LHFPL3: variants seen among roughly 807,000 people sequenced by gnomAD.
LHFPL3 encodes LHFPL tetraspan subfamily member 3 protein.
A neutral mutation model predicts 19.3 loss-of-function variants in LHFPL3; 5 were observed. That is an observed-to-expected ratio of 0.26 (90% CI 0.14 to 0.54). The LOEUF is 0.54. Among genes scored for constraint, LHFPL3 ranks in the 20% least tolerant of loss-of-function variants. The pLI, the probability that LHFPL3 is intolerant of heterozygous loss-of-function variation, is 0.94. For missense variants in LHFPL3, 249 were observed against 307.4 expected (o/e 0.81, Z 1.42); for synonymous variants, 133 against 126.2 (o/e 1.05, Z -0.36).
At chr7:104,905,437 G>T (rs1275405672) in intron 2 of LHFPL3, among the ~76,000 whole-genome samples, 1 of 152,094 alleles carries the variant, frequency 6.6e-6, no homozygotes. Flanking sequence ...AATTCATGCT[G>T]ATGGTGGGGC....
intron 1 of LHFPL3, among the ~76,000 whole-genome samples, chr7:104,546,078 AC>A (rs1794574367): frequency 6.6e-6 from 1 of 152,190 alleles, no homozygotes; most frequent in Non-Finnish European, 1.5e-5. Flanking sequence ...GTATCAGCAA[AC>A]TAAATTTTTG....
chr7:104,839,572 G>A (rs146021913), intron 2 of LHFPL3, among the ~76,000 whole-genome samples: 2,367 of 152,156 alleles, frequency 0.016, 75 homozygotes, highest in African/African-American at 0.051. Context: ...GGGAGGCTGA[G>A]GCACAAGAGT....
chr7:104,820,872 A>G (rs980863241), intron 2 of LHFPL3, among the ~76,000 whole-genome samples: 3 of 152,148 alleles, frequency 2.0e-5, no homozygotes, highest in African/African-American at 7.2e-5. Flanking sequence ...AACACAGTTA[A>G]CGCCTCATCC....
At chr7:104,905,301 CATATTT>C (rs1318221155) in intron 2 of LHFPL3, among the ~76,000 whole-genome samples, 1 of 151,958 alleles carries the variant, frequency 6.6e-6, no homozygotes, top group African/African-American at 2.4e-5. Flanking sequence ...AAAAGATATT[CATATTT>C]ATAATAATAA....
chr7:104,528,417 C>G (rs1017645889), intron 1 of LHFPL3, among the ~76,000 whole-genome samples: 1 of 152,138 alleles, frequency 6.6e-6, no homozygotes, highest in Admixed American at 6.5e-5. Flanking sequence ...ATAAGAGGAG[C>G]TTTCCTTCTC....
intron 1 of LHFPL3, among the ~76,000 whole-genome samples, chr7:104,521,253 T>C (rs1401237068): frequency 3.3e-5 from 5 of 151,644 alleles, no homozygotes; most frequent in East Asian, 1.9e-4. Context: ...TGTAGTTGAG[T>C]GGTTTTGAGT....
rs750297536 is a variant in LHFPL3, at chr7:104,867,694, C to T, written c.683-38493C>T. 5.7e-3 allele frequency among the ~76,000 whole-genome samples: 863 copies of T among 151,538 alleles called. 12 individuals are homozygous for T. Among genetic ancestry groups the T allele is most frequent in the African/African-American group, 0.019 (773 of 41,282 alleles). On this transcript the variant is annotated intron_variant, in intron 2 of 2. Transcript: ENST00000424859. ...TTCCTTCTGAAACTATTCCAATCAACAGAAAAAGAGGGAATCCTCCCTAAC... is the reference window on the plus strand; with the variant it reads ...TTCCTTCTGAAACTATTCCAATCAATAGAAAAAGAGGGAATCCTCCCTAAC...
intron 1 of LHFPL3, among the ~76,000 whole-genome samples, chr7:104,438,692 T>TA (rs939532293): frequency 1.2e-4 from 18 of 149,352 alleles, no homozygotes; most frequent in African/African-American, 3.4e-4. Flanking sequence ...GTCAAGAAGG[T>TA]AAAAAAAAAG....
chr7:104,362,324 T>C (rs1584267351), intron 1 of LHFPL3, among the ~76,000 whole-genome samples: 1 of 152,144 alleles, frequency 6.6e-6, no homozygotes, highest in Non-Finnish European at 1.5e-5. Flanking sequence ...AGACCGTCCT[T>C]CTGAAGGAGG....
intron 1 of LHFPL3, among the ~76,000 whole-genome samples, chr7:104,687,387 C>T (rs1792826631): frequency 6.6e-6 from 1 of 152,172 alleles, no homozygotes; most frequent in African/African-American, 2.4e-5. Flanking sequence ...ATAGAGGCCT[C>T]ATTACATAGG....
intron 2 of LHFPL3, among the ~76,000 whole-genome samples, chr7:104,867,365 A>G (rs546296696): frequency 2.0e-5 from 3 of 152,342 alleles, no homozygotes; most frequent in African/African-American, 2.4e-5. Context: ...AGAATAATCA[A>G]ATAGATGCAA....
chr7:104,861,318 G>A (rs1194996061), intron 2 of LHFPL3, among the ~76,000 whole-genome samples: 1 of 152,154 alleles, frequency 6.6e-6, no homozygotes. Context: ...ATATGACCTT[G>A]GGAAGTACAT....
At chr7:104,664,877 T>C (rs1792301822) in intron 1 of LHFPL3, among the ~76,000 whole-genome samples, 1 of 152,194 alleles carries the variant, frequency 6.6e-6, no homozygotes, top group Non-Finnish European at 1.5e-5. Context: ...CAGTGGTACC[T>C]GGGAAATGTA....
At chr7:104,420,661 G>A (rs1016132575) in intron 1 of LHFPL3, among the ~76,000 whole-genome samples, 4 of 145,594 alleles carry the variant, frequency 2.7e-5, no homozygotes, top group African/African-American at 7.6e-5. Flanking sequence ...CCGGGTTCAC[G>A]CCATTCTCCT....
At chr7:104,638,437 G>C (rs186908333) in intron 1 of LHFPL3, among the ~76,000 whole-genome samples, 10 of 152,136 alleles carry the variant, frequency 6.6e-5, no homozygotes, top group Non-Finnish European at 1.5e-4. Flanking sequence ...TTGGATAGGA[G>C]TGGTGAGACA....
At chr7:104,566,960 T>A (rs932667761) in intron 1 of LHFPL3, among the ~76,000 whole-genome samples, 1 of 152,248 alleles carries the variant, frequency 6.6e-6, no homozygotes, top group Non-Finnish European at 1.5e-5. Flanking sequence ...CTTAATGTAT[T>A]TGTGGCTCAT....
chr7:104,890,058 T>A (rs1792215475), intron 2 of LHFPL3, among the ~76,000 whole-genome samples: 1 of 152,062 alleles, frequency 6.6e-6, no homozygotes, highest in Non-Finnish European at 1.5e-5. Flanking sequence ...CAGAAGTTTG[T>A]GAGATCGAGG....
intron 2 of LHFPL3, among the ~76,000 whole-genome samples, chr7:104,875,974 A>G (rs190535806): frequency 6.6e-6 from 1 of 152,196 alleles, no homozygotes; most frequent in Admixed American, 6.5e-5. Flanking sequence ...CCTGGCACAC[A>G]GCATAAATTC....
At chr7:104,833,343 ATATATT>A (rs1791023494) in intron 2 of LHFPL3, among the ~76,000 whole-genome samples, 1 of 8,136 alleles carries the variant, frequency 1.2e-4, no homozygotes, top group African/African-American at 5.2e-4. Flanking sequence ...TAGGATATAT[ATATATT>A]ATATATATAA....
Sources: gnomAD v4.1 joint callset for allele counts (sites outside exome capture counted in the v4.1 genomes callset) on GRCh38, gnomAD v4.1.1 for gene constraint, MANE v1.5 for transcripts, NCBI Gene and HGNC (gene_info 2026-07-23, HGNC 2026-07-21) for gene names.